Variants in WASHC5 observed in about 807,000 individuals in gnomAD.
WASHC5 encodes WASH complex subunit 5.
WASHC5 carries 101 observed loss-of-function variants against 150.4 expected under a neutral mutation model. The observed-to-expected ratio is 0.67, with a 90% CI of 0.57 to 0.79. The LOEUF (loss-of-function observed/expected upper bound fraction) is 0.79, where lower values mean the gene tolerates loss of function less well. Among genes scored for constraint, WASHC5 ranks in the 30% least tolerant of loss-of-function variants. The pLI, the probability that WASHC5 is intolerant of heterozygous loss-of-function variation, is 0.00. For synonymous variants in WASHC5, 467 were observed against 491.2 expected, an observed-to-expected ratio of 0.95 and a Z score of 0.65; for missense variants, 1,195 against 1,396.3, an observed-to-expected ratio of 0.86 and a Z score of 2.30.
chr8:125,082,797 TTAATGA>T, intron 3 of WASHC5: 1 of 363,330 alleles, frequency 2.8e-6, no homozygotes, highest in Non-Finnish European at 4.9e-6. Flanking sequence ...AGACAGAAAG[TTAATGA>T]TAAAGATAAG....
rs1816515820 is a variant in WASHC5 at position 125,059,375 on chromosome 8, C to T, written c.1688+1G>A. The stretch of plus-strand genomic sequence containing the variant: ...AGCAAATGTCAGGCTGCCTACATTA[C>T]CTGTCAATCAACTGCCAAGCGAAAG... On this transcript the variant is annotated splice_donor_variant, in intron 13 of 28. Coordinates refer to ENST00000318410, the MANE Select transcript of WASHC5 (RefSeq NM_014846.4). LOFTEE classifies it high-confidence loss of function. 1 of 1,614,146 alleles carries T rather than the reference C, an allele frequency of 6.2e-7. No homozygotes were observed. The highest frequency in any genetic ancestry group is 8.5e-7 in the Non-Finnish European group (1 of 1,179,998).
intron 23 of WASHC5, among the ~76,000 whole-genome samples, chr8:125,042,255 G>A (rs1815912462): frequency 6.6e-6 from 1 of 152,134 alleles, no homozygotes; most frequent in Admixed American, 6.6e-5. Context: ...ATTGAGTACA[G>A]CAGCTCCTAG....
At chr8:125,087,541 C>T (rs1266600676) in intron 1 of WASHC5, among the ~76,000 whole-genome samples, 1 of 151,978 alleles carries the variant, frequency 6.6e-6, no homozygotes, top group South Asian at 2.1e-4. Context: ...CCAGTCTGGG[C>T]AACAATAGCG....
intron 23 of WASHC5, among the ~76,000 whole-genome samples, chr8:125,041,794 G>A (rs1041926107): frequency 3.3e-5 from 5 of 152,134 alleles, no homozygotes; most frequent in African/African-American, 9.7e-5. Flanking sequence ...TGTGAAAAAC[G>A]TCAATCCAAA....
In WASHC5 at chr8:125,050,600, G is replaced by A; in HGVS notation, c.2163C>T (p.Ala721=). The A allele has an allele frequency of 1.2e-6, 2 of 1,614,022 alleles. No homozygotes were observed. The highest frequency in any genetic ancestry group is 1.7e-6 in the Non-Finnish European group (2 of 1,179,938). ...GGTTGAATATCAGTCCCCTATGCAG[G>A]GCAAAGGCAACGCGCTTCACAAGCT... The part of the protein sequence containing the change: ...RKELVKRVAF[A]LHRGLIFNPR... The change falls in exon 18 of 29, where the codon GCC becomes GCT. Residue 721 remains alanine (A), a synonymous_variant. Transcript: ENST00000318410.
intron 27 of WASHC5, among the ~76,000 whole-genome samples, chr8:125,031,324 G>A (rs1296495247): frequency 6.6e-6 from 1 of 152,082 alleles, no homozygotes; most frequent in Non-Finnish European, 1.5e-5. Context: ...ACCCAGGCTG[G>A]AGTGCAGTGG....
chr8:125,079,393 C>T (rs28714511), intron 5 of WASHC5, among the ~76,000 whole-genome samples: 19,418 of 151,102 alleles, frequency 0.13, 3,025 homozygotes, highest in African/African-American at 0.38. Context: ...TTTCACCATG[C>T]TGGCCCAGGC....
rs377351903 is a variant in WASHC5, at chr8:125,063,579, T to C, written c.1351A>G (p.Thr451Ala). Reference sequence around the variant, plus strand: ...CCTGAAAAGACATCAGCAAGCTCAGTCATCCGCTCCGAACCCTCTTTCTTG... The same window carrying C: ...CCTGAAAAGACATCAGCAAGCTCAGCCATCCGCTCCGAACCCTCTTTCTTG... ...HYKKEGSERM[T>A]ELADVFSGVK... Residue 451 changes from threonine (T) to alanine (A), a missense_variant, in exon 11 of 29, where the codon ACT becomes GCT. Thr to Ala is a moderately conservative substitution (Grantham distance 58). This residue lies in a region of WASHC5 where 997 missense variants were observed against 1,168.1 expected (regional missense o/e 0.85). Coordinates refer to ENST00000318410, the MANE Select transcript of WASHC5 (RefSeq NM_014846.4). 2.5e-6 allele frequency: 4 copies of C among 1,613,896 alleles called. No individual in the cohort carries two copies. The African/African-American group carries it at 5.3e-5, about 22-fold the overall frequency.
chr8:125,087,933 C>T (rs1232107778), intron 1 of WASHC5, among the ~76,000 whole-genome samples: 2 of 151,848 alleles, frequency 1.3e-5, no homozygotes, highest in South Asian at 2.1e-4. Flanking sequence ...TGATAAGTGC[C>T]GTGAAGAAAA....
chr8:125,037,787 G>T (rs1235744161), intron 25 of WASHC5, among the ~76,000 whole-genome samples: 1 of 152,164 alleles, frequency 6.6e-6, no homozygotes, highest in African/African-American at 2.4e-5. Flanking sequence ...GCAGCGAGTG[G>T]TGGTATCTAA....
intron 1 of WASHC5, among the ~76,000 whole-genome samples, chr8:125,089,047 A>C (rs1389404227): frequency 1.3e-5 from 2 of 152,228 alleles, no homozygotes; most frequent in Admixed American, 1.3e-4. Context: ...CCTGTAATAC[A>C]CATTAAGGCA....
chr8:125,044,378 T>C, intron 21 of WASHC5, 158 bp downstream of exon 21: 1 of 814,384 alleles, frequency 1.2e-6, no homozygotes, highest in Non-Finnish European at 2.1e-6. Context: ...AATTCTAGTT[T>C]ATTCCCAGCT....
At chr8:125,073,560 T>C (rs1816966728) in intron 8 of WASHC5, among the ~76,000 whole-genome samples, 1 of 152,200 alleles carries the variant, frequency 6.6e-6, no homozygotes, top group South Asian at 2.1e-4. Flanking sequence ...GAATGACATA[T>C]GGACTACAGT....
At chr8:125,061,222 G>T in intron 11 of WASHC5, 28 bp from the exon 12 acceptor site, 2 of 1,166,642 alleles carry the variant, frequency 1.7e-6, no homozygotes, top group South Asian at 1.2e-5. Flanking sequence ...AGAAAATACT[G>T]AAATCCTCGA....
chr8:125,038,982 G>C, intron 24 of WASHC5, 23 bp from the exon 25 acceptor site: 2 of 1,611,074 alleles, frequency 1.2e-6, no homozygotes, highest in Non-Finnish European at 1.7e-6. Flanking sequence ...AAACCCTGGA[G>C]ATAAACATTA....
chr8:125,076,239 T>C (rs1817055708), intron 7 of WASHC5, 109 bp downstream of exon 7: 1 of 980,672 alleles, frequency 1.0e-6, no homozygotes. Flanking sequence ...CTAAGTGATG[T>C]TATGTCCCAT....
chr8:125,079,136 A>ATATATATATATATATC, intron 5 of WASHC5, among the ~76,000 whole-genome samples: 1 of 85,948 alleles, frequency 1.2e-5, no homozygotes, highest in Non-Finnish European at 2.3e-5. Context: ...ATATATATAT[A>ATATATATATATATATC]TATACATTTT....
chr8:125,029,460 T>G (rs2129951425), intron 27 of WASHC5, among the ~76,000 whole-genome samples: 1 of 152,366 alleles, frequency 6.6e-6, no homozygotes. Flanking sequence ...AGCCTCTTAA[T>G]TTTTCAATGG....
At chr8:125,057,803 T>G in intron 14 of WASHC5, 137 bp from the exon 15 acceptor site, 1 of 633,120 alleles carries the variant, frequency 1.6e-6, no homozygotes, top group Non-Finnish European at 2.7e-6. Context: ...GACAATACAG[T>G]TTTTGAAAAA....
Sources: allele counts gnomAD v4.1 joint callset (sites outside exome capture counted in the v4.1 genomes callset), GRCh38; gene constraint gnomAD v4.1.1; regional missense constraint gnomAD v4.1.1; transcripts MANE v1.5; gene names NCBI Gene and HGNC (gene_info 2026-07-23, HGNC 2026-07-21).